CNTN6: variants seen among roughly 807,000 people sequenced by gnomAD.
CNTN6 encodes contactin 6, also known as contactin-6.
In CNTN6, 137 loss-of-function variants were observed where a neutral mutation model predicts 122.8. The ratio of observed to expected loss-of-function variants is 1.12; its 90% CI spans 0.97 to 1.29. The LOEUF is 1.29. Ranked by LOEUF, CNTN6 falls within the 50% of genes most tolerant of loss-of-function variation. CNTN6 has a pLI of 0.00. For synonymous variants in CNTN6, 570 were observed against 426.0 expected (o/e 1.34, Z -4.16); for missense variants, 1,634 against 1,223.4 (o/e 1.34, Z -5.01).
At chr3:1,299,033 CTTAG>C (rs1207223330) in intron 7 of CNTN6, among the ~76,000 whole-genome samples, 1 of 151,878 alleles carries the variant, frequency 6.6e-6, no homozygotes, top group Non-Finnish European at 1.5e-5. Flanking sequence ...GTTACTAAAT[CTTAG>C]TTTGTTTTCT....
intron 2 of CNTN6, among the ~76,000 whole-genome samples, chr3:1,181,843 A>G (rs1455155870): frequency 6.6e-6 from 1 of 152,120 alleles, no homozygotes; most frequent in Non-Finnish European, 1.5e-5. Flanking sequence ...GATAACATTT[A>G]CCAAAAACTA....
Position 1,329,786 on chromosome 3 carries a change from C to A in CNTN6, c.1215C>A (p.Ala405=). The change falls in exon 11 of 23, where the codon GCC becomes GCA. Residue 405 remains alanine (A), a splice_region_variant and synonymous_variant. Transcript: ENST00000446702. ...TTTTGTCTTTGATTTTGTTTTTAGC[C>A]TCAGCTCCAGATTTCTCCAAAAGTC... is the stretch of plus-strand genomic sequence containing the variant. ...IYANAELRVL[A]SAPDFSKSPV... 6.2e-6 allele frequency: 10 copies of A among 1,604,190 alleles called. No individual in the cohort carries two copies. Among genetic ancestry groups the A allele is most frequent in the Non-Finnish European group, 8.5e-6 (10 of 1,175,882 alleles).
chr3:1,387,518 A>G (rs1576020488), intron 20 of CNTN6, among the ~76,000 whole-genome samples: 1 of 152,220 alleles, frequency 6.6e-6, no homozygotes, highest in Admixed American at 6.5e-5. Flanking sequence ...ATTTAGTTCT[A>G]GTTGACTGAG....
At chr3:1,215,475 C>G (rs1484058208) in intron 2 of CNTN6, among the ~76,000 whole-genome samples, 1 of 152,000 alleles carries the variant, frequency 6.6e-6, no homozygotes, top group East Asian at 1.9e-4. Flanking sequence ...TTGATGTTGC[C>G]TGGGTTACAG....
intron 20 of CNTN6, 128 bp from the exon 21 acceptor site, chr3:1,401,305 C>A: frequency 1.4e-6 from 1 of 700,708 alleles, no homozygotes; most frequent in Non-Finnish European, 2.5e-6. Flanking sequence ...TTTCAAATGA[C>A]ACTGAAGACA....
At chr3:1,348,155 G>GAAAAAAAAAAAAAAAA (rs1457391939) in intron 11 of CNTN6, among the ~76,000 whole-genome samples, 3 of 21,978 alleles carry the variant, frequency 1.4e-4, no homozygotes, top group African/African-American at 8.2e-4. Flanking sequence ...CTATGCTATA[G>GAAAAAAAAAAAAAAAA]ACAAAAAAAA....
chr3:1,220,957 A>G, intron 3 of CNTN6, 144 bp downstream of exon 3: 1 of 864,974 alleles, frequency 1.2e-6, no homozygotes, highest in Non-Finnish European at 1.7e-6. Flanking sequence ...CCATGTGACA[A>G]TCACTCAGAT....
chr3:1,403,243 TG>T, intron 22 of CNTN6, 74 bp from the exon 23 acceptor site: 2 of 824,616 alleles, frequency 2.4e-6, no homozygotes, highest in Non-Finnish European at 3.9e-6. Context: ...AGTATGAAAT[TG>T]GGGTTTTGAA....
Position 1,300,449 on chromosome 3 carries a change from C to CAGGAAGGAAGGAAGGAAGGAAGGA in CNTN6, c.761+2480_761+2503dup, listed in dbSNP as rs72054486. On this transcript the variant is annotated intron_variant, in intron 7 of 22. Transcript: ENST00000446702. ...GAGAAAGGAGCAATTAGGGTCAGTTCAGGAAGGAAGGAAGGAAGGAAGGAA... is the reference window on the plus strand; with the variant it reads ...GAGAAAGGAGCAATTAGGGTCAGTTCAGGAAGGAAGGAAGGAAGGAAGGAAGGAAGGAAGGAAGGAAGGAAGGAA... Among the ~76,000 whole-genome samples, 10 of 114,442 alleles carry CAGGAAGGAAGGAAGGAAGGAAGGA rather than the reference C, an allele frequency of 8.7e-5. 1 individual carries two copies. Among genetic ancestry groups the CAGGAAGGAAGGAAGGAAGGAAGGA allele is most frequent in the African/African-American group, 3.9e-4 (9 of 22,960 alleles). 75.1% of individuals were successfully genotyped at this position (114,442 alleles called of 152,430 possible).
intron 4 of CNTN6, among the ~76,000 whole-genome samples, chr3:1,237,243 G>A (rs1250571485): frequency 6.6e-6 from 1 of 151,892 alleles, no homozygotes; most frequent in Non-Finnish European, 1.5e-5. Context: ...AATGTAAAAT[G>A]CATTGGAAAG....
chr3:1,256,146 C>A (rs914351590), intron 4 of CNTN6, among the ~76,000 whole-genome samples: 1 of 152,132 alleles, frequency 6.6e-6, no homozygotes, highest in Non-Finnish European at 1.5e-5. Flanking sequence ...GCTGCGATTA[C>A]AGGCATGAGC....
intron 1 of CNTN6, among the ~76,000 whole-genome samples, chr3:1,136,757 T>C (rs1252572580): frequency 6.6e-6 from 1 of 152,156 alleles, no homozygotes; most frequent in African/African-American, 2.4e-5. Context: ...TCTGTAAGAT[T>C]GGCCATCGGG....
intron 20 of CNTN6, among the ~76,000 whole-genome samples, chr3:1,398,272 C>T (rs1695233031): frequency 6.6e-6 from 1 of 152,004 alleles, no homozygotes; most frequent in Non-Finnish European, 1.5e-5. Context: ...AAGGTGATGG[C>T]CTTCTAAAGC....
chr3:1,368,726 A>AG (rs1708573398), intron 12 of CNTN6, among the ~76,000 whole-genome samples: 1 of 152,224 alleles, frequency 6.6e-6, no homozygotes, highest in Non-Finnish European at 1.5e-5. Context: ...ATTATATCGT[A>AG]TAAAATTATG....
intron 4 of CNTN6, among the ~76,000 whole-genome samples, chr3:1,250,128 A>G (rs1285783987): frequency 6.6e-5 from 10 of 152,220 alleles, no homozygotes; most frequent in Admixed American, 3.9e-4. Context: ...TATTAAAATT[A>G]ATAAAAGCTT....
At chr3:1,326,066 C>T in intron 9 of CNTN6, 115 bp downstream of exon 9, 1 of 888,152 alleles carries the variant, frequency 1.1e-6, no homozygotes, top group Non-Finnish European at 1.7e-6. Flanking sequence ...TGGTATGTTC[C>T]AGGAAAGGAT....
At chr3:1,264,036 G>A (rs897428168) in intron 4 of CNTN6, among the ~76,000 whole-genome samples, 5 of 151,974 alleles carry the variant, frequency 3.3e-5, no homozygotes, top group Admixed American at 1.3e-4. Context: ...CCGAAAAACA[G>A]GAAAATAAAA....
chr3:1,350,807 A>G (rs374225145), intron 11 of CNTN6, among the ~76,000 whole-genome samples: 9 of 151,722 alleles, frequency 5.9e-5, no homozygotes, highest in African/African-American at 1.7e-4. Flanking sequence ...CAATATTCCT[A>G]GTTATTCCTA....
At chr3:1,251,044 A>G (rs2094658865) in intron 4 of CNTN6, among the ~76,000 whole-genome samples, 1 of 152,170 alleles carries the variant, frequency 6.6e-6, no homozygotes, top group Admixed American at 6.5e-5. Context: ...CATTTCTTGA[A>G]GATTTTACCT....
Sources: gnomAD v4.1 joint callset for allele counts (sites outside exome capture counted in the v4.1 genomes callset) on GRCh38, gnomAD v4.1.1 for gene constraint, MANE v1.5 for transcripts, NCBI Gene and HGNC (gene_info 2026-07-23, HGNC 2026-07-21) for gene names.